Variants in CALD1 observed in about 807,000 individuals in gnomAD.
The protein encoded by CALD1 is caldesmon 1, also known as caldesmon.
CALD1 carries 33 observed loss-of-function variants against 99.9 expected under a neutral mutation model. The observed-to-expected ratio is 0.33, with a 90% confidence interval of 0.25 to 0.44. CALD1 has a LOEUF of 0.44. CALD1 is among the 20% of genes least tolerant of loss of function. CALD1 has a pLI of 1.00. For synonymous variants in CALD1, 310 were observed against 325.0 expected (o/e 0.95, Z 0.50); for missense variants, 861 against 962.1 (o/e 0.89, Z 1.39).
intron 1 of CALD1, among the ~76,000 whole-genome samples, chr7:134,810,788 G>A (rs942538441): frequency 1.3e-5 from 2 of 152,122 alleles, no homozygotes; most frequent in Non-Finnish European, 2.9e-5. Context: ...TTTAGCTGAC[G>A]ATGCAGCAGC....
intron 9 of CALD1, among the ~76,000 whole-genome samples, chr7:134,956,997 TA>T (rs149204696): frequency 8.1e-5 from 12 of 148,870 alleles, no homozygotes; most frequent in Admixed American, 2.0e-4. Flanking sequence ...TTCCTAGCTT[TA>T]AAAAAAAAAG....
chr7:134,770,110 CT>C (rs1796865305), intron 1 of CALD1, among the ~76,000 whole-genome samples: 1 of 152,022 alleles, frequency 6.6e-6, no homozygotes, highest in Non-Finnish European at 1.5e-5. Flanking sequence ...AATTACCTTT[CT>C]CTTTGTAAAA....
intron 1 of CALD1, among the ~76,000 whole-genome samples, chr7:134,838,378 C>T (rs1799526026): frequency 6.6e-6 from 1 of 152,058 alleles, no homozygotes; most frequent in African/African-American, 2.4e-5. Context: ...AAAGAGGAAA[C>T]ATTGTTCAAG....
intron 3 of CALD1, among the ~76,000 whole-genome samples, chr7:134,906,748 C>T (rs1032193742): frequency 1.3e-5 from 2 of 152,196 alleles, no homozygotes; most frequent in African/African-American, 4.8e-5. Flanking sequence ...TCCTCACTAG[C>T]AGCATAAACC....
intron 1 of CALD1, among the ~76,000 whole-genome samples, chr7:134,785,273 G>T (rs1193420212): frequency 6.6e-6 from 1 of 152,150 alleles, no homozygotes; most frequent in African/African-American, 2.4e-5. Context: ...TGCACCACTG[G>T]TAACTGAAAG....
chr7:134,725,103 A>T, the CALD1 span, among the ~76,000 whole-genome samples: 1 of 152,172 alleles, frequency 6.6e-6, no homozygotes, highest in Non-Finnish European at 1.5e-5. Flanking sequence ...ATTGCTCCTG[A>T]CAGCCAGAAA....
At chr7:134,819,913 C>G (rs535940622) in intron 1 of CALD1, among the ~76,000 whole-genome samples, 1 of 152,058 alleles carries the variant, frequency 6.6e-6, no homozygotes, top group South Asian at 2.1e-4. Flanking sequence ...CAAACAAAAC[C>G]CTGGTTTTAA....
intron 2 of CALD1, among the ~76,000 whole-genome samples, chr7:134,847,301 C>A (rs1799893007): frequency 6.6e-6 from 1 of 152,168 alleles, no homozygotes; most frequent in Non-Finnish European, 1.5e-5. Flanking sequence ...AGTCCTTAGT[C>A]TCCTTTGGTT....
chr7:134,965,063 C>A, intron 13 of CALD1: 1 of 366,784 alleles, frequency 2.7e-6, no homozygotes, highest in South Asian at 2.7e-5. Context: ...TCGCAGTGAG[C>A]CAAGATCACG....
intron 13 of CALD1, among the ~76,000 whole-genome samples, chr7:134,964,300 C>T (rs1251625201): frequency 6.6e-6 from 1 of 152,078 alleles, no homozygotes; most frequent in Admixed American, 6.5e-5. Context: ...TGAAGAAAAC[C>T]CTACAGGGGC....
At chr7:134,855,015 A>G (rs575644499) in intron 2 of CALD1, among the ~76,000 whole-genome samples, 53 of 152,314 alleles carry the variant, frequency 3.5e-4, no homozygotes, top group African/African-American at 1.2e-3. Flanking sequence ...CCGCCATGTC[A>G]GGCATGCCTG....
intron 1 of CALD1, among the ~76,000 whole-genome samples, chr7:134,807,408 A>G (rs1255685117): frequency 6.6e-6 from 1 of 152,130 alleles, no homozygotes; most frequent in African/African-American, 2.4e-5. Context: ...ATTACTAGCT[A>G]CAGGGGGCCT....
chr7:134,932,980 T>C lies in CALD1; in HGVS notation c.219-8T>C. On this transcript the variant is annotated splice_region_variant and splice_polypyrimidine_tract_variant and intron_variant, in intron 4 of 14. Coordinates refer to ENST00000361675, the MANE Select transcript of CALD1 (RefSeq NM_033138.4). Reference sequence around the variant, plus strand: ...GCTGTCTTTGGTGTTGTTCTTTCTGTTGTACAGTGTGCCTGACGAGGAGGC... The same window carrying C: ...GCTGTCTTTGGTGTTGTTCTTTCTGCTGTACAGTGTGCCTGACGAGGAGGC... The C allele has an allele frequency of 1.3e-6, 2 of 1,587,152 alleles. No homozygotes were observed. The highest frequency in any genetic ancestry group is 1.7e-6 in the Non-Finnish European group (2 of 1,163,470).
intron 1 of CALD1, among the ~76,000 whole-genome samples, chr7:134,803,691 G>T (rs888372275): frequency 1.0e-4 from 12 of 116,030 alleles, no homozygotes; most frequent in Non-Finnish European, 1.5e-4. Flanking sequence ...ATAGGTGTGG[G>T]TCTAATTTTT....
chr7:134,913,153 C>A (rs1803941666), intron 3 of CALD1, among the ~76,000 whole-genome samples: 1 of 152,112 alleles, frequency 6.6e-6, no homozygotes, highest in Non-Finnish European at 1.5e-5. Context: ...GTAATCCCAG[C>A]TACTTGGGAG....
intron 1 of CALD1, among the ~76,000 whole-genome samples, chr7:134,793,161 T>C (rs1797609430): frequency 6.6e-6 from 1 of 152,128 alleles, no homozygotes; most frequent in African/African-American, 2.4e-5. Flanking sequence ...GGGGAGCAGC[T>C]TCAGGGCAGC....
At chr7:134,877,142 C>A (rs1801389185) in intron 3 of CALD1, among the ~76,000 whole-genome samples, 1 of 152,200 alleles carries the variant, frequency 6.6e-6, no homozygotes, top group Non-Finnish European at 1.5e-5. Context: ...TGCTGTTTTT[C>A]TGCTGGCTGA....
intron 2 of CALD1, among the ~76,000 whole-genome samples, chr7:134,863,553 C>T (rs1800658556): frequency 6.6e-6 from 1 of 152,166 alleles, no homozygotes; most frequent in South Asian, 2.1e-4. Flanking sequence ...GTGAGCATAC[C>T]CACACACACC....
intron 1 of CALD1, among the ~76,000 whole-genome samples, chr7:134,829,358 G>A (rs1008525035): frequency 2.0e-5 from 3 of 152,178 alleles, no homozygotes; most frequent in Admixed American, 6.5e-5. Context: ...ACGTGAAAAC[G>A]TTATCATCTG....
Sources: allele counts gnomAD v4.1 joint callset (sites outside exome capture counted in the v4.1 genomes callset), GRCh38; gene constraint gnomAD v4.1.1; transcripts MANE v1.5; gene names NCBI Gene and HGNC (gene_info 2026-07-23, HGNC 2026-07-21).